The following EXOC3L4 variants were observed in gnomAD, a reference collection of about 807,000 sequenced individuals.
EXOC3L4 encodes the protein exocyst complex component 3-like protein 4.
EXOC3L4 carries 62 observed loss-of-function variants against 69.7 expected under a neutral mutation model. The observed-to-expected ratio is 0.89, with a 90% CI of 0.72 to 1.10. EXOC3L4 has a LOEUF of 1.10. EXOC3L4 is among the 50% of genes least tolerant of loss of function. The pLI is 0.00. For synonymous variants in EXOC3L4, 502 were observed against 464.2 expected (o/e 1.08, Z -1.05); for missense variants, 1,087 against 1,034.8 (o/e 1.05, Z -0.69).
intron 4 of EXOC3L4, 84 bp downstream of exon 4, chr14:103,104,136 G>A: frequency 2.1e-6 from 3 of 1,445,610 alleles, no homozygotes; most frequent in Non-Finnish European, 2.7e-6. Context: ...GCTATCGGCG[G>A]CCAGAGCTGG....
Position 103,102,474 on chromosome 14 carries a change from C to T in EXOC3L4, c.751C>T (p.Arg251Ter). The T allele has an allele frequency of 2.1e-6, 3 of 1,442,842 alleles. No homozygotes were observed. Among genetic ancestry groups the T allele is most frequent in the Middle Eastern group, 2.1e-4 (1 of 4,740 alleles). The allele number at this position is 1,442,842 out of a possible 1,614,324, so 89.4% of individuals were successfully genotyped here. Residue 251 changes from arginine to a stop codon, truncating the protein, a stop_gained, in exon 3 of 12, where the codon CGA becomes TGA. Coordinates refer to ENST00000688303, the MANE Select transcript of EXOC3L4 (RefSeq NM_001077594.2). LOFTEE classifies it high-confidence loss of function. ...CCAGCACTGGGAGGAGGCGGTGCGG[C>T]GAAGCGCTCAGGAGCGCGTGCGGCG... ...WRQHWEEAVR[R>*]SAQERVRRPG...
chr14:103,107,933 G>C (rs900588744), intron 10 of EXOC3L4, 150 bp downstream of exon 10: 25 of 1,178,244 alleles, frequency 2.1e-5, no homozygotes, highest in Non-Finnish European at 2.4e-5. Flanking sequence ...CTGTGGGGCT[G>C]GGGGGTGGAG....
At chr14:103,099,766 G>A (rs1024356423) in intron 1 of EXOC3L4, among the ~76,000 whole-genome samples, 2 of 152,160 alleles carry the variant, frequency 1.3e-5, no homozygotes, top group African/African-American at 4.8e-5. Context: ...GGTGGGGGCT[G>A]GGGGGAGGGT....
At chr14:103,108,299 C>G (rs992133221) in intron 10 of EXOC3L4, 97 bp from the exon 11 acceptor site, 16 of 1,518,840 alleles carry the variant, frequency 1.1e-5, no homozygotes, top group African/African-American at 1.4e-5. Flanking sequence ...GCTGACGCTG[C>G]GGGAGGGCTG....
At chr14:103,103,158 G>A (rs146948605) in intron 3 of EXOC3L4, among the ~76,000 whole-genome samples, 742 of 152,246 alleles carry the variant, frequency 4.9e-3, no homozygotes, top group African/African-American at 0.015. Flanking sequence ...GAGGTCAGGA[G>A]TTCGAAATCA....
rs913212099 is a variant in EXOC3L4 at position 103,110,470 on chromosome 14, G to C, written c.*247G>C. 19 of 638,942 alleles carry C rather than the reference G, an allele frequency of 3.0e-5. 1 individual carries two copies. Among genetic ancestry groups the C allele is most frequent in the South Asian group, 2.3e-4 (15 of 64,106 alleles). The allele number at this position is 638,942 out of a possible 1,614,324, so 39.6% of individuals were successfully genotyped here. On this transcript the variant is annotated 3_prime_UTR_variant, in exon 12 of 12. Transcript: ENST00000688303. The stretch of plus-strand genomic sequence containing the variant: ...CTCTCAATGCTGCCTATCGGGCGGG[G>C]GGGGGCCTCCCGCCCGACTGTCCAG...
rs993689726 is a variant in EXOC3L4 at position 103,110,475 on chromosome 14, GC to G, written c.*254del. ...AATGCTGCCTATCGGGCGGGGGGGG[GC>G]CTCCCGCCCGACTGTCCAGCTTCAC... On this transcript the variant is annotated 3_prime_UTR_variant, in exon 12 of 12. Coordinates refer to ENST00000688303, the MANE Select transcript of EXOC3L4 (RefSeq NM_001077594.2). 4 of 580,180 alleles carry G rather than the reference GC, an allele frequency of 6.9e-6. No individual in the cohort carries two copies. Among genetic ancestry groups the G allele is most frequent in the African/African-American group, 1.9e-5 (1 of 51,914 alleles). The allele number at this position is 580,180 out of a possible 1,614,324, so 35.9% of individuals were successfully genotyped here. A position where few individuals can be genotyped will look rare whatever the true frequency, so the allele number is the denominator to read the frequency against.
chr14:103,100,712 C>A, intron 2 of EXOC3L4, 99 bp downstream of exon 2: 1 of 1,372,900 alleles, frequency 7.3e-7, no homozygotes, highest in East Asian at 2.5e-5. Context: ...CCCTAGCTCC[C>A]CAAACCCTGC....
chr14:103,101,096 C>G lies in EXOC3L4; in HGVS notation c.394+483C>G, dbSNP rs563490465. ...TTTTTTTTTTGCATTTTTAGTAAGA[C>G]GGGGTTTCACCATATTGGCCAGCCT... On this transcript the variant is annotated intron_variant, in intron 2 of 11. Transcript: ENST00000688303. 5.5e-4 allele frequency among the ~76,000 whole-genome samples: 83 copies of G among 151,784 alleles called. 4 individuals are homozygous for G. The South Asian group carries it at 0.015, about 27-fold the overall frequency.
At position 103,102,260 on chromosome 14, in the gene EXOC3L4, T is replaced by G; in HGVS notation, c.537T>G (p.Ala179=). 2 of 1,587,056 alleles carry G rather than the reference T, an allele frequency of 1.3e-6. No individual in the cohort carries two copies. The highest frequency in any genetic ancestry group is 1.7e-6 in the Non-Finnish European group (2 of 1,169,006). ...ACCCTACGGCCTTCGCGCGGCGCGC[T>G]ATGGACGTGTGCCTGCTTTACGACG... The part of the protein sequence containing the change: ...EQDPTAFARR[A]MDVCLLYDGL... Residue 179 remains alanine (A), a synonymous_variant, in exon 3 of 12, where the codon GCT becomes GCG. Transcript: ENST00000688303.
rs775359162 is a variant in EXOC3L4, at chr14:103,104,980, A to T, written c.1386-12A>T. ...GGGAGGGTCCCCAAAGGCTCTGTGT[A>T]TCCCGCCCCAGGTTTGAAAAGGCTT... On this transcript the variant is annotated splice_polypyrimidine_tract_variant and intron_variant, in intron 6 of 11. Coordinates refer to ENST00000688303, the MANE Select transcript of EXOC3L4 (RefSeq NM_001077594.2). The T allele has an allele frequency of 1.9e-6, 3 of 1,611,072 alleles. No individual in the cohort carries two copies. The African/African-American group carries it at 4.0e-5, about 22-fold the overall frequency.
rs1217830479 is a variant in EXOC3L4 at position 103,110,182 on chromosome 14, A to G, written c.2128A>G (p.Lys710Glu). ...GGGCCGCGTGCTCTTCGAGGAGATC[A>G]AGGTGCCCAGTGCCATGGCTGTGCT... is the stretch of plus-strand genomic sequence containing the variant. ...PRGRVLFEEI[K>E]VPSAMAVLIT... is the part of the protein sequence containing the mutation. Residue 710 changes from lysine (K) to glutamate (E), a missense_variant, in exon 12 of 12, where the codon AAG becomes GAG. Physicochemically the swap from Lys to Glu is moderately conservative, Grantham distance 56. Coordinates refer to ENST00000688303, the MANE Select transcript of EXOC3L4 (RefSeq NM_001077594.2). The G allele has an allele frequency of 1.9e-5, 29 of 1,527,326 alleles. No homozygotes were observed. Among genetic ancestry groups the G allele is most frequent in the Non-Finnish European group, 2.5e-5 (28 of 1,135,758 alleles). The allele number at this position is 1,527,326 out of a possible 1,614,324, so 94.6% of individuals were successfully genotyped here.
Position 103,102,281 on chromosome 14 carries a change from C to T in EXOC3L4, c.558C>T (p.Tyr186=), listed in dbSNP as rs139825381. The T allele has an allele frequency of 3.4e-5, 54 of 1,579,780 alleles. No individual in the cohort carries two copies. In the African/African-American group the frequency reaches 6.7e-4, roughly 20 times the overall value. ...GCGCTATGGACGTGTGCCTGCTTTA[C>T]GACGGGCTGGCAGCCGAGATCGGCG... The part of the protein sequence containing the change: ...ARRAMDVCLL[Y]DGLAAEIGAI... The change falls in exon 3 of 12, where the codon TAC becomes TAT. Residue 186 remains tyrosine, a synonymous_variant. Transcript: ENST00000688303.
chr14:103,108,857 C>G (rs1248117932), intron 11 of EXOC3L4, among the ~76,000 whole-genome samples: 2 of 152,108 alleles, frequency 1.3e-5, no homozygotes, highest in African/African-American at 4.8e-5. Flanking sequence ...GGTTTTGATC[C>G]CGGGTTGTGC....
chr14:103,095,964 G>A (rs1012866177), intron 1 of EXOC3L4, among the ~76,000 whole-genome samples: 7 of 152,068 alleles, frequency 4.6e-5, no homozygotes, highest in African/African-American at 1.7e-4. Context: ...GCCAAATGTT[G>A]AGGAGTAAGA....
chr14:103,101,590 G>C (rs745476518), intron 2 of EXOC3L4, among the ~76,000 whole-genome samples: 1 of 152,206 alleles, frequency 6.6e-6, no homozygotes, highest in African/African-American at 2.4e-5. Context: ...GTTGCAGAGG[G>C]TGCAAGGCTC....
In EXOC3L4 at chr14:103,096,401, C is replaced by CTTTTTTTTTTTT. The variant is rs56362121; in HGVS notation, c.-17+1572_-17+1573insTTTTTTTTTTTT. On this transcript the variant is annotated intron_variant, in intron 1 of 11. Coordinates refer to ENST00000688303, the MANE Select transcript of EXOC3L4 (RefSeq NM_001077594.2). The stretch of plus-strand genomic sequence containing the variant: ...AGGAGGTTGACGTTTTGGCAAGATT[C>CTTTTTTTTTTTT]TTTTTTTTTTTGCAATTGTAAGATT... Among the ~76,000 whole-genome samples the CTTTTTTTTTTTT allele has an allele frequency of 1.1e-3, 139 of 131,906 alleles. 6 individuals are homozygous for CTTTTTTTTTTTT. The highest frequency in any genetic ancestry group is 2.2e-3 in the Admixed American group (26 of 11,992). The allele number at this position is 131,906 out of a possible 152,430, so 86.5% of individuals were successfully genotyped here. A position where few individuals can be genotyped will look rare whatever the true frequency, so the allele number is the denominator to read the frequency against.
At chr14:103,108,618 C>A in intron 11 of EXOC3L4, 101 bp downstream of exon 11, 1 of 1,492,502 alleles carries the variant, frequency 6.7e-7, no homozygotes, top group East Asian at 2.3e-5. Context: ...GCCCAGGGGC[C>A]TGAAGACCAG....
chr14:103,099,733 A>G (rs2139467747), intron 1 of EXOC3L4, among the ~76,000 whole-genome samples: 1 of 151,868 alleles, frequency 6.6e-6, no homozygotes, highest in African/African-American at 2.4e-5. Flanking sequence ...GAGCTGAGGG[A>G]CCTGGAGGGC....
Sources: allele counts gnomAD v4.1 joint callset (sites outside exome capture counted in the v4.1 genomes callset), GRCh38; gene constraint gnomAD v4.1.1; transcripts MANE v1.5; gene names NCBI Gene and HGNC (gene_info 2026-07-23, HGNC 2026-07-21).